The following NRXN3 variants were observed in gnomAD, a reference collection of about 807,000 sequenced individuals.
NRXN3 encodes the protein neurexin III.
NRXN3 carries 32 observed loss-of-function variants against 137.6 expected under a neutral mutation model. The observed-to-expected ratio is 0.23, with a 90% confidence interval of 0.18 to 0.31. NRXN3 has a LOEUF of 0.31. Among genes scored for constraint, NRXN3 ranks in the 10% least tolerant of loss-of-function variants. The pLI is 1.00. For missense variants in NRXN3, 1,574 were observed against 2,062.5 expected, an observed-to-expected ratio of 0.76 and a Z score of 4.59; for synonymous variants, 798 against 784.5, an observed-to-expected ratio of 1.02 and a Z score of -0.29.
chr14:78,958,003 T>C (rs1170964939), intron 11 of NRXN3, among the ~76,000 whole-genome samples: 1 of 152,134 alleles, frequency 6.6e-6, no homozygotes, highest in Non-Finnish European at 1.5e-5. Context: ...AATCAATAAG[T>C]ATTTCCTAAG....
Position 79,798,058 on chromosome 14 carries a change from G to A in NRXN3, c.4015-7054G>A, listed in dbSNP as rs189003422. 2.7e-4 allele frequency among the ~76,000 whole-genome samples: 41 copies of A among 151,160 alleles called. 2 individuals carry two copies. The East Asian group carries it at 4.9e-3, about 18-fold the overall frequency. On this transcript the variant is annotated intron_variant, in intron 19 of 20. Transcript: ENST00000335750. ...CAAGGCTGCAGTGAGCCATGATTAC[G>A]CCCCTGCACTCCAGCCTAGGTGACT... is the stretch of plus-strand genomic sequence containing the variant.
At chr14:78,172,359 C>A (rs1416000202) in intron 1 of NRXN3, among the ~76,000 whole-genome samples, 1 of 152,198 alleles carries the variant, frequency 6.6e-6, no homozygotes, top group East Asian at 1.9e-4. Context: ...TTCTGCATCG[C>A]CTTTCAAGTT....
chr14:78,548,707 T>C (rs887961372), intron 4 of NRXN3, among the ~76,000 whole-genome samples: 2 of 152,186 alleles, frequency 1.3e-5, no homozygotes, highest in Non-Finnish European at 2.9e-5. Context: ...TCCTCTGTTG[T>C]TTGCCCATCC....
chr14:78,792,216 A>T (rs1468219723), intron 8 of NRXN3, among the ~76,000 whole-genome samples: 8 of 120,100 alleles, frequency 6.7e-5, no homozygotes, highest in Admixed American at 4.1e-4. Context: ...AAAAAAAAAA[A>T]CAAATTATCT....
intron 4 of NRXN3, among the ~76,000 whole-genome samples, chr14:78,365,650 G>T (rs2085816064): frequency 6.6e-6 from 1 of 152,144 alleles, no homozygotes; most frequent in Non-Finnish European, 1.5e-5. Flanking sequence ...TGCCAGTCTT[G>T]ATCAGAGTGG....
At chr14:78,436,880 G>C (rs987626075) in intron 4 of NRXN3, among the ~76,000 whole-genome samples, 1 of 152,166 alleles carries the variant, frequency 6.6e-6, no homozygotes, top group Admixed American at 6.5e-5. Context: ...CATGCTCAGT[G>C]CTTCCTGTGG....
At chr14:79,770,132 G>A (rs1484512776) in intron 19 of NRXN3, among the ~76,000 whole-genome samples, 4 of 151,516 alleles carry the variant, frequency 2.6e-5, no homozygotes, top group Non-Finnish European at 4.4e-5. Context: ...AGCAAGTCCT[G>A]AGTGACCTAC....
intron 1 of NRXN3, among the ~76,000 whole-genome samples, chr14:78,182,121 G>T (rs915784696): frequency 7.4e-6 from 1 of 135,780 alleles, no homozygotes; most frequent in Admixed American, 7.6e-5. Flanking sequence ...GGGGCCGGGG[G>T]GGACAATGAT....
intron 4 of NRXN3, among the ~76,000 whole-genome samples, chr14:78,346,440 C>T (rs187622030): frequency 6.6e-6 from 1 of 152,286 alleles, no homozygotes; most frequent in African/African-American, 2.4e-5. Context: ...AATGTCAGCT[C>T]CGTGTGAATC....
chr14:78,673,064 A>G (rs2097954122), intron 6 of NRXN3, among the ~76,000 whole-genome samples: 1 of 152,226 alleles, frequency 6.6e-6, no homozygotes, highest in African/African-American at 2.4e-5. Flanking sequence ...TAATTACCAC[A>G]TTAGAGTTTA....
intron 16 of NRXN3, among the ~76,000 whole-genome samples, chr14:79,503,583 C>G (rs1048188279): frequency 1.3e-5 from 2 of 152,156 alleles, no homozygotes; most frequent in African/African-American, 2.4e-5. Context: ...CTCTGATATG[C>G]CTTCCCAGAT....
intron 4 of NRXN3, among the ~76,000 whole-genome samples, chr14:78,564,108 C>T (rs781189310): frequency 6.6e-6 from 1 of 152,128 alleles, no homozygotes; most frequent in Non-Finnish European, 1.5e-5. Flanking sequence ...GTTACAGCAG[C>T]ATTTAAAATA....
intron 10 of NRXN3, among the ~76,000 whole-genome samples, chr14:78,823,608 G>C (rs1252910122): frequency 6.6e-6 from 1 of 152,170 alleles, no homozygotes; most frequent in Non-Finnish European, 1.5e-5. Context: ...TCTCATAAAG[G>C]GTTGCAGCCT....
intron 7 of NRXN3, among the ~76,000 whole-genome samples, chr14:78,712,899 C>G (rs909870441): frequency 2.6e-5 from 4 of 152,190 alleles, no homozygotes; most frequent in Non-Finnish European, 4.4e-5. Flanking sequence ...CATTCTTGAT[C>G]ACGTCTGATC....
At chr14:78,638,214 G>T (rs1177200433) in intron 4 of NRXN3, among the ~76,000 whole-genome samples, 2 of 152,152 alleles carry the variant, frequency 1.3e-5, no homozygotes, top group Non-Finnish European at 2.9e-5. Context: ...CTTTCCTACG[G>T]AGAGTCTGAG....
chr14:78,495,386 A>G (rs1012678396), intron 4 of NRXN3, among the ~76,000 whole-genome samples: 2 of 152,122 alleles, frequency 1.3e-5, no homozygotes, highest in African/African-American at 4.8e-5. Context: ...TTGTTTTTCA[A>G]AACAAGGCAT....
chr14:78,488,728 A>G (rs947318717), intron 4 of NRXN3, among the ~76,000 whole-genome samples: 2 of 151,270 alleles, frequency 1.3e-5, no homozygotes, highest in Non-Finnish European at 2.9e-5. Context: ...AAATAAGGCA[A>G]AAGAAGAGAA....
chr14:79,093,803 C>T (rs1317633220), intron 15 of NRXN3, among the ~76,000 whole-genome samples: 1 of 43,026 alleles, frequency 2.3e-5, no homozygotes, highest in Non-Finnish European at 7.0e-5. Context: ...CTTGCTCACC[C>T]TATCTTTTGG....
intron 15 of NRXN3, among the ~76,000 whole-genome samples, chr14:79,449,032 T>C (rs891995723): frequency 6.6e-6 from 1 of 152,142 alleles, no homozygotes; most frequent in Non-Finnish European, 1.5e-5. Flanking sequence ...CTGGAAAGAC[T>C]GTAAATTCTC....
Sources: gnomAD v4.1 joint callset for allele counts (sites outside exome capture counted in the v4.1 genomes callset) on GRCh38, gnomAD v4.1.1 for gene constraint, MANE v1.5 for transcripts, NCBI Gene and HGNC (gene_info 2026-07-23, HGNC 2026-07-21) for gene names.